CNTN2: variants seen among roughly 807,000 people sequenced by gnomAD.
The protein encoded by CNTN2 is contactin 2.
CNTN2 carries 53 observed loss-of-function variants against 117.5 expected under a neutral mutation model. The ratio of observed to expected loss-of-function variants is 0.45; its 90% CI spans 0.36 to 0.57. The LOEUF (loss-of-function observed/expected upper bound fraction) is 0.57, where lower values mean the gene tolerates loss of function less well. CNTN2 is among the 20% of genes least tolerant of loss of function. The pLI, the probability that CNTN2 is intolerant of heterozygous loss-of-function variation, is 0.00. For synonymous variants in CNTN2, 530 were observed against 561.7 expected (o/e 0.94, Z 0.80); for missense variants, 1,106 against 1,404.3 (o/e 0.79, Z 3.39).
chr1:205,072,088 A>T lies in CNTN2; in HGVS notation c.2686A>T (p.Thr896Ser), dbSNP rs201649365. Residue 896 changes from threonine (T) to serine (S), a missense_variant, in exon 20 of 23, where the codon ACT (threonine) becomes TCT (serine). Physicochemically the swap from Thr to Ser is moderately conservative, Grantham distance 58. Coordinates refer to ENST00000331830, the MANE Select transcript of CNTN2 (RefSeq NM_005076.5). The stretch of plus-strand genomic sequence containing the variant: ...CGTGAGGGCCTACAACCGGGCTGGC[A>T]CTGGGCCTGCCAGCCCTTCTGCCAA... Reference protein sequence around the residue: ...VTVRAYNRAGTGPASPSANAT... With the variant: ...VTVRAYNRAGSGPASPSANAT... 1.3e-4 allele frequency: 207 copies of T among 1,613,658 alleles called. No homozygotes were observed. The highest frequency in any genetic ancestry group is 1.7e-4 in the Non-Finnish European group (202 of 1,179,922).
chr1:205,062,694 A>G (rs760589422), intron 10 of CNTN2, 125 bp downstream of exon 10: 77 of 1,147,848 alleles, frequency 6.7e-5, no homozygotes, highest in Non-Finnish European at 8.6e-5. Flanking sequence ...TGGTTTTCCA[A>G]CAGTTTCTAA....
At chr1:205,064,792 CAG>C (rs1654190795) in intron 12 of CNTN2, 42 bp downstream of exon 12, 1 of 1,609,292 alleles carries the variant, frequency 6.2e-7, no homozygotes. Flanking sequence ...TCAGCCTCCT[CAG>C]GGTACTGTCC....
At chr1:205,053,962 G>T (rs952339970) in intron 2 of CNTN2, among the ~76,000 whole-genome samples, 14 of 152,186 alleles carry the variant, frequency 9.2e-5, no homozygotes, top group African/African-American at 3.4e-4. Context: ...GGAGGGGAAG[G>T]AGAGGGTGAA....
intron 1 of CNTN2, among the ~76,000 whole-genome samples, chr1:205,050,098 C>A (rs10900437): frequency 0.2 from 30,615 of 152,142 alleles, 3,922 homozygotes; most frequent in East Asian, 0.6. Context: ...TAACCTATCC[C>A]AGCTCACGAA....
At chr1:205,062,132 T>A in intron 9 of CNTN2, 131 bp downstream of exon 9, 1 of 1,182,198 alleles carries the variant, frequency 8.5e-7, no homozygotes, top group Non-Finnish European at 1.2e-6. Flanking sequence ...AGGGTGGTCC[T>A]AGGACCACCT....
rs1654294267 is a variant in CNTN2 at position 205,066,453 on chromosome 1, C to T, written c.1829C>T (p.Pro610Leu). 6.8e-6 allele frequency: 11 copies of T among 1,613,888 alleles called. No individual in the cohort carries two copies. The highest frequency in any genetic ancestry group is 8.5e-6 in the Non-Finnish European group (10 of 1,179,974). ...ATVLVRGPPG[P>L]PGGVVVRDIG... ...CCTCTTGGTGCAGGTCCGCCAGGTC[C>T]CCCAGGAGGTGTGGTGGTGAGGGAC... is the stretch of plus-strand genomic sequence containing the variant. The change falls in exon 15 of 23, where the codon CCC becomes CTC. Residue 610 changes from proline to leucine, a missense_variant. Coordinates refer to ENST00000331830, the MANE Select transcript of CNTN2 (RefSeq NM_005076.5).
Position 205,073,165 on chromosome 1 carries a change from T to C in CNTN2, c.2942T>C (p.Leu981Pro). The change falls in exon 22 of 23, where the codon CTG becomes CCG. Residue 981 changes from leucine to proline, a missense_variant. By Grantham distance (98) the Leu-to-Pro change is moderately conservative (BLOSUM62 -3). Transcript: ENST00000331830. This position sits in a 1 kb window ranked among gnomAD's most constrained non-coding sequence, Gnocchi z 6.3. ...IPVPEDIGHA[L>P]VQIRTTGPGG... is the part of the protein sequence containing the mutation. ...GTGCCTGAAGACATTGGCCATGCCC[T>C]GGTACAAATTCGGACCACAGGGCCC... 1 of 1,614,084 alleles carries C rather than the reference T, an allele frequency of 6.2e-7. No individual in the cohort carries two copies. The highest frequency in any genetic ancestry group is 8.5e-7 in the Non-Finnish European group (1 of 1,180,000).
intron 10 of CNTN2, among the ~76,000 whole-genome samples, chr1:205,063,919 GC>G (rs1654122108): frequency 6.6e-6 from 1 of 152,110 alleles, no homozygotes; most frequent in South Asian, 2.1e-4. Context: ...AAAAAAAAAG[GC>G]TAGGTGATTG....
Position 205,061,419 on chromosome 1 carries a change from G to C in CNTN2, c.972G>C (p.Gln324His). 1 of 1,608,204 alleles carries C rather than the reference G, an allele frequency of 6.2e-7. No individual in the cohort carries two copies. The highest frequency in any genetic ancestry group is 8.5e-7 in the Non-Finnish European group (1 of 1,177,188). Residue 324 changes from glutamine (Q) to histidine (H), a missense_variant and splice_region_variant, in exon 8 of 23, where the codon CAG becomes CAC. Coordinates refer to ENST00000331830, the MANE Select transcript of CNTN2 (RefSeq NM_005076.5). This position sits in a 1 kb window ranked among gnomAD's most constrained non-coding sequence, Gnocchi z 4.8. The part of the protein sequence containing the change: ...RDTVQGRIIV[Q>H]AQPEWLKVIS... The stretch of plus-strand genomic sequence containing the variant: ...CCGTGCAGGGCCGCATCATCGTGCA[G>C]GGTACAGAGCCAGGGACACCTTCTC...
chr1:205,064,817 T>C (rs1244864025), intron 12 of CNTN2, 67 bp downstream of exon 12: 1 of 1,587,216 alleles, frequency 6.3e-7, no homozygotes, highest in Non-Finnish European at 8.6e-7. Context: ...CCCATCATCC[T>C]GCTCCTGTGT....
rs1654652181 is a variant in CNTN2, at chr1:205,072,580, A to C, written c.2829A>C (p.Ala943=). 4 of 1,613,000 alleles carry C rather than the reference A, an allele frequency of 2.5e-6. No homozygotes were observed. In the East Asian group the frequency reaches 8.9e-5, roughly 36 times the overall value. The change falls in exon 21 of 23, where the codon GCA becomes GCC. Residue 943 remains alanine (A), a synonymous_variant. Transcript: ENST00000331830. ...TGGTCCCTTTCCGAAATGAGTCTGC[A>C]GTCACCGGCTATAAGGTGAGGAAGC... ...DPVVPFRNES[A]VTGYKMLYQN...
Position 205,071,927 on chromosome 1 carries a change from G to C in CNTN2, c.2545-20G>C, listed in dbSNP as rs749089664. The C allele has an allele frequency of 1.3e-6, 2 of 1,598,178 alleles. No individual in the cohort carries two copies. Among genetic ancestry groups the C allele is most frequent in the African/African-American group, 2.7e-5 (2 of 74,488 alleles). On this transcript the variant is annotated intron_variant, in intron 19 of 22. Transcript: ENST00000331830. ...TCCTGGGCTTGACTACTACCCCTTG[G>C]GTACCCCCGCCTCCTTCAGATCCGC...
Position 205,059,650 on chromosome 1 carries a change from G to A in CNTN2, c.765G>A (p.Gln255=), listed in dbSNP as rs1318994065. 11 of 1,614,008 alleles carry A rather than the reference G, an allele frequency of 6.8e-6. No homozygotes were observed. The highest frequency in any genetic ancestry group is 9.3e-6 in the Non-Finnish European group (11 of 1,180,024). The change falls in exon 7 of 23, where the codon CAG becomes CAA. Residue 255 remains glutamine (Q), a synonymous_variant. Transcript: ENST00000331830. This position sits in a 1 kb window ranked among gnomAD's most constrained non-coding sequence, Gnocchi z 5.6. ...FPAETYALVG[Q]QVTLECFAFG... ...CAGAGACCTATGCACTGGTGGGGCA[G>A]CAGGTCACCCTGGAGTGCTTCGCCT...
Position 205,074,848 on chromosome 1 carries a change from G to T in CNTN2, c.*1083G>T, listed in dbSNP as rs1025403884. The T allele has an allele frequency of 5.0e-6, 2 of 398,634 alleles. No homozygotes were observed. The highest frequency in any genetic ancestry group is 8.8e-6 in the Non-Finnish European group (2 of 226,078). The allele number at this position is 398,634 out of a possible 1,614,324, so 24.7% of individuals were successfully genotyped here. On this transcript the variant is annotated 3_prime_UTR_variant, in exon 23 of 23. Transcript: ENST00000331830. ...GCAGAGGATAAATGTGGCCCTGCCT[G>T]CTCCCAGGTATACCTAGGACCACCT...
At position 205,058,377 on chromosome 1, in the gene CNTN2, A is replaced by C; in HGVS notation, c.391+21A>C. On this transcript the variant is annotated intron_variant, in intron 4 of 22. Transcript: ENST00000331830. The surrounding 1 kb of genome is among the most constrained non-coding windows in gnomAD (Gnocchi z 4.3). Reference sequence around the variant, plus strand: ...CGGCTGTGAGACCCGCGGGGGACCAAGACACTTTGGGGGAGGGGGAGAGGG... The same window carrying C: ...CGGCTGTGAGACCCGCGGGGGACCACGACACTTTGGGGGAGGGGGAGAGGG... 1 of 1,532,446 alleles carries C rather than the reference A, an allele frequency of 6.5e-7. No homozygotes were observed. The allele number at this position is 1,532,446 out of a possible 1,614,324, so 94.9% of individuals were successfully genotyped here.
intron 21 of CNTN2, 187 bp downstream of exon 21, chr1:205,072,782 C>T (rs1024128074): frequency 3.9e-5 from 26 of 666,318 alleles, no homozygotes; most frequent in Admixed American, 2.4e-4. Context: ...ACTATAAAAA[C>T]GGGCAGATGG....
intron 1 of CNTN2, among the ~76,000 whole-genome samples, chr1:205,043,956 G>T (rs35261626): frequency 0.49 from 74,227 of 151,896 alleles, 18,806 homozygotes; most frequent in Non-Finnish European, 0.56. Context: ...TTGGGCAAGG[G>T]CCTGTCCAGG....
intron 7 of CNTN2, chr1:205,060,039 T>G (rs1035308679): frequency 9.2e-5 from 25 of 271,250 alleles, no homozygotes; most frequent in African/African-American, 5.4e-4. Flanking sequence ...TTGGGTAAAC[T>G]GCCTAACCTC....
rs569566808 is a variant in CNTN2 at position 205,061,497 on chromosome 1, C to T, written c.973+77C>T. ...TCACCCTTGTCCCCAAGGAAACAGA[C>T]CCAAAAGTCAGGGAGGAGACTGGGA... On this transcript the variant is annotated intron_variant, in intron 8 of 22. Transcript: ENST00000331830. This position sits in a 1 kb window ranked among gnomAD's most constrained non-coding sequence, Gnocchi z 4.8. The T allele has an allele frequency of 3.0e-5, 43 of 1,457,170 alleles. No individual in the cohort carries two copies. The African/African-American group carries it at 5.6e-4, about 19-fold the overall frequency. The allele number at this position is 1,457,170 out of a possible 1,614,324, so 90.3% of individuals were successfully genotyped here. A position where few individuals can be genotyped will look rare whatever the true frequency, so the allele number is the denominator to read the frequency against.
Sources: gnomAD v4.1 joint callset for allele counts (sites outside exome capture counted in the v4.1 genomes callset) on GRCh38, gnomAD v4.1.1 for gene constraint, Gnocchi (gnomAD v3.1) non-coding constraint, MANE v1.5 for transcripts, NCBI Gene and HGNC (gene_info 2026-07-23, HGNC 2026-07-21) for gene names.